The following GFRA1 variants were observed in gnomAD, a reference collection of about 807,000 sequenced individuals.
The protein encoded by GFRA1 is GDNF family receptor alpha-1.
A neutral mutation model predicts 51.6 loss-of-function variants in GFRA1; 16 were observed. The ratio of observed to expected loss-of-function variants is 0.31; its 90% CI spans 0.21 to 0.47. The LOEUF (loss-of-function observed/expected upper bound fraction) is 0.47, where lower values mean the gene tolerates loss of function less well. GFRA1 is among the 20% of genes least tolerant of loss of function. The probability of loss-of-function intolerance (pLI) is 1.00; values close to 1 mark genes in which losing one functional copy is unlikely to be tolerated. For missense variants in GFRA1, 530 were observed against 594.3 expected (o/e 0.89, Z 1.13); for synonymous variants, 270 against 241.3 (o/e 1.12, Z -1.10).
intron 5 of GFRA1, among the ~76,000 whole-genome samples, chr10:116,141,500 T>A (rs1002688520): frequency 6.7e-6 from 1 of 150,264 alleles, no homozygotes; most frequent in Non-Finnish European, 1.5e-5. Context: ...AATGAGTAAC[T>A]AGAGGCAGGG....
intron 5 of GFRA1, among the ~76,000 whole-genome samples, chr10:116,166,900 C>T (rs577286700): frequency 3.7e-4 from 55 of 148,502 alleles, no homozygotes; most frequent in Middle Eastern, 3.6e-3. Context: ...CCCGGGTTCA[C>T]GCCATTCTCC....
chr10:116,125,215 A>G lies in GFRA1; in HGVS notation c.770+6T>C, dbSNP rs1957804645. ...CATTAATCACCAGCTGCCAGTGCCC[A>G]CTTACCTGCAGATGTAATTCGTCTT... is the stretch of plus-strand genomic sequence containing the variant. On this transcript the variant is annotated splice_donor_region_variant and intron_variant, in intron 6 of 10. Coordinates refer to ENST00000355422, the MANE Select transcript of GFRA1 (RefSeq NM_005264.8). 1.2e-6 allele frequency: 2 copies of G among 1,611,610 alleles called. No individual in the cohort carries two copies. The highest frequency in any genetic ancestry group is 1.7e-6 in the Non-Finnish European group (2 of 1,177,714).
At chr10:116,177,424 C>T (rs1467758604) in intron 5 of GFRA1, among the ~76,000 whole-genome samples, 3 of 152,176 alleles carry the variant, frequency 2.0e-5, no homozygotes, top group Non-Finnish European at 4.4e-5. Flanking sequence ...CAATAGGAAA[C>T]ACAGCAACAG....
chr10:116,262,201 A>T (rs1418523167), intron 4 of GFRA1, among the ~76,000 whole-genome samples: 1 of 152,204 alleles, frequency 6.6e-6, no homozygotes. Context: ...AGTTCATACA[A>T]TTACCTGTCA....
chr10:116,165,663 T>TCTCA (rs1176511844), intron 5 of GFRA1, among the ~76,000 whole-genome samples: 1 of 99,214 alleles, frequency 1.0e-5, no homozygotes, highest in Non-Finnish European at 2.2e-5. Context: ...TTTCTCTCAC[T>TCTCA]CTCACACACA....
At chr10:116,229,945 A>T (rs920007560) in intron 4 of GFRA1, among the ~76,000 whole-genome samples, 1 of 152,094 alleles carries the variant, frequency 6.6e-6, no homozygotes, top group Non-Finnish European at 1.5e-5. Flanking sequence ...CCCCTTGGGG[A>T]GCTTCCTTCT....
chr10:116,121,700 T>C (rs1382921788), intron 6 of GFRA1, among the ~76,000 whole-genome samples: 1 of 152,216 alleles, frequency 6.6e-6, no homozygotes, highest in African/African-American at 2.4e-5. Context: ...TTTCGAAGAA[T>C]ATGGTTTTTA....
chr10:116,088,702 C>T (rs1956199582), intron 9 of GFRA1, among the ~76,000 whole-genome samples: 1 of 151,998 alleles, frequency 6.6e-6, no homozygotes, highest in South Asian at 2.1e-4. Flanking sequence ...GGGCAGATCA[C>T]AAGGTCGGGA....
At chr10:116,107,075 C>T (rs904275479) in intron 6 of GFRA1, among the ~76,000 whole-genome samples, 2 of 152,156 alleles carry the variant, frequency 1.3e-5, no homozygotes, top group East Asian at 3.9e-4. Context: ...CAATTAAACC[C>T]CTTTTCTTTA....
intron 9 of GFRA1, among the ~76,000 whole-genome samples, chr10:116,077,965 C>G (rs1955689139): frequency 1.3e-5 from 2 of 152,220 alleles, no homozygotes; most frequent in Non-Finnish European, 2.9e-5. Flanking sequence ...CCCTTAACGT[C>G]TCCCCATGAG....
intron 9 of GFRA1, among the ~76,000 whole-genome samples, chr10:116,080,827 G>A (rs958166513): frequency 2.6e-5 from 4 of 152,194 alleles, no homozygotes; most frequent in African/African-American, 9.7e-5. Flanking sequence ...GGGGAGGAGG[G>A]CTGAAGACAG....
chr10:116,123,917 T>G (rs755780209), intron 6 of GFRA1, among the ~76,000 whole-genome samples: 23 of 152,164 alleles, frequency 1.5e-4, no homozygotes, highest in Non-Finnish European at 3.4e-4. Context: ...TTTGTTGGTT[T>G]GTTTGTTTTG....
At chr10:116,135,671 AGATT>A (rs1431475691) in intron 5 of GFRA1, among the ~76,000 whole-genome samples, 1 of 152,236 alleles carries the variant, frequency 6.6e-6, no homozygotes, top group Non-Finnish European at 1.5e-5. Flanking sequence ...ATCTAATGTA[AGATT>A]GATTCCAAGA....
intron 5 of GFRA1, among the ~76,000 whole-genome samples, chr10:116,167,772 T>C (rs533916787): frequency 6.6e-5 from 10 of 152,204 alleles, no homozygotes; most frequent in Non-Finnish European, 1.5e-4. Flanking sequence ...TCAAGCATTC[T>C]AAGTGACCAG....
chr10:116,176,763 G>T (rs1171888951), intron 5 of GFRA1, among the ~76,000 whole-genome samples: 4 of 111,010 alleles, frequency 3.6e-5, no homozygotes, highest in Non-Finnish European at 6.7e-5. Flanking sequence ...CTCACAACCA[G>T]CAATGTTGGG....
intron 9 of GFRA1, 110 bp from the exon 10 acceptor site, chr10:116,065,736 C>A: frequency 1.3e-6 from 1 of 779,514 alleles, no homozygotes; most frequent in Non-Finnish European, 2.2e-6. Flanking sequence ...ATGTGAGACA[C>A]AGCTGTGAGC....
intron 6 of GFRA1, among the ~76,000 whole-genome samples, chr10:116,102,393 T>A (rs1956851008): frequency 6.6e-6 from 1 of 152,076 alleles, no homozygotes; most frequent in Non-Finnish European, 1.5e-5. Flanking sequence ...GGGTAGTGAG[T>A]CTATCAGTGA....
At chr10:116,176,229 C>A (rs1009371613) in intron 5 of GFRA1, among the ~76,000 whole-genome samples, 2 of 152,176 alleles carry the variant, frequency 1.3e-5, no homozygotes, top group Non-Finnish European at 2.9e-5. Flanking sequence ...CATGTTTAGA[C>A]CTTGGGAAGA....
chr10:116,065,697 G>C, intron 9 of GFRA1, 71 bp from the exon 10 acceptor site: 1 of 1,164,132 alleles, frequency 8.6e-7, no homozygotes, highest in Non-Finnish European at 1.3e-6. Context: ...CCATCAGTCA[G>C]CTGTCTAGGG....
Sources: allele counts gnomAD v4.1 joint callset (sites outside exome capture counted in the v4.1 genomes callset), GRCh38; gene constraint gnomAD v4.1.1; transcripts MANE v1.5; gene names NCBI Gene and HGNC (gene_info 2026-07-23, HGNC 2026-07-21).